Variants in ETV6 observed in about 807,000 individuals in gnomAD.
ETV6 encodes transcription factor ETV6.
A neutral mutation model predicts 51.1 loss-of-function variants in ETV6; 16 were observed. The ratio of observed to expected loss-of-function variants is 0.31; its 90% confidence interval spans 0.21 to 0.48. The LOEUF is 0.48. Ranked by LOEUF, ETV6 falls within the 20% of genes least tolerant of loss-of-function variation. ETV6 has a pLI of 0.99. For synonymous variants in ETV6, 240 were observed against 224.1 expected (o/e 1.07, Z -0.64); for missense variants, 458 against 594.8 (o/e 0.77, Z 2.39).
At chr12:11,657,349 A>G (rs2724632) in intron 1 of ETV6, among the ~76,000 whole-genome samples, 9,876 of 152,284 alleles carry the variant, frequency 0.065, 400 homozygotes, top group African/African-American at 0.11. Flanking sequence ...GAGAAAAAAC[A>G]GGCAAGAATT....
At chr12:11,885,141 C>T (rs1947165403) in intron 6 of ETV6, among the ~76,000 whole-genome samples, 1 of 152,202 alleles carries the variant, frequency 6.6e-6, no homozygotes, top group African/African-American at 2.4e-5. Context: ...GAAGACTGCT[C>T]AAGTGCGCAG....
At chr12:11,791,771 G>T (rs2086556816) in intron 2 of ETV6, among the ~76,000 whole-genome samples, 1 of 150,346 alleles carries the variant, frequency 6.7e-6, no homozygotes, top group South Asian at 2.1e-4. Context: ...GTTATATGCT[G>T]TTTTTTTTTA....
At chr12:11,715,772 A>G (rs529840308) in intron 1 of ETV6, among the ~76,000 whole-genome samples, 1 of 152,356 alleles carries the variant, frequency 6.6e-6, no homozygotes, top group Non-Finnish European at 1.5e-5. Context: ...ACAATTTCAC[A>G]ATGTGACCTT....
At chr12:11,789,800 C>T (rs1945553439) in intron 2 of ETV6, among the ~76,000 whole-genome samples, 1 of 152,132 alleles carries the variant, frequency 6.6e-6, no homozygotes, top group Non-Finnish European at 1.5e-5. Flanking sequence ...CCATTCCGAT[C>T]TTTAATCTTT....
At chr12:11,845,808 T>C (rs897642994) in intron 3 of ETV6, among the ~76,000 whole-genome samples, 5 of 151,970 alleles carry the variant, frequency 3.3e-5, no homozygotes, top group Non-Finnish European at 1.5e-5. Flanking sequence ...CTGGCTAATA[T>C]GGTGAAACCT....
chr12:11,887,172 T>C (rs1432945963), intron 7 of ETV6, among the ~76,000 whole-genome samples: 2 of 152,326 alleles, frequency 1.3e-5, no homozygotes, highest in East Asian at 3.9e-4. Flanking sequence ...CTCCATTCTC[T>C]GGCTCTACCG....
chr12:11,789,532 T>C (rs1232161263), intron 2 of ETV6, among the ~76,000 whole-genome samples: 1 of 152,166 alleles, frequency 6.6e-6, no homozygotes, highest in Non-Finnish European at 1.5e-5. Flanking sequence ...TGTGAGTCCC[T>C]TTCCTGAATT....
At chr12:11,833,880 T>A (rs1459640854) in intron 2 of ETV6, among the ~76,000 whole-genome samples, 1 of 152,194 alleles carries the variant, frequency 6.6e-6, no homozygotes, top group Admixed American at 6.5e-5. Flanking sequence ...ACCACTTCCA[T>A]CTCTGTGTGC....
intron 2 of ETV6, among the ~76,000 whole-genome samples, chr12:11,791,773 T>C (rs868270217): frequency 1.3e-5 from 2 of 152,134 alleles, no homozygotes; most frequent in South Asian, 2.1e-4. Flanking sequence ...TATATGCTGT[T>C]TTTTTTTAAT....
chr12:11,709,467 A>G (rs535710323), intron 1 of ETV6, among the ~76,000 whole-genome samples: 4 of 151,988 alleles, frequency 2.6e-5, no homozygotes, highest in Non-Finnish European at 5.9e-5. Context: ...ACCTCCCAAT[A>G]GCTGAGAATA....
chr12:11,724,754 G>C (rs1044192486), intron 1 of ETV6, among the ~76,000 whole-genome samples: 1 of 152,220 alleles, frequency 6.6e-6, no homozygotes, highest in East Asian at 1.9e-4. Context: ...TAAGATATTT[G>C]TAGTAGATAT....
rs74060842 is a variant in ETV6 at position 11,749,366 on chromosome 12, T to A, written c.34-3084T>A. ...ACACACACACCCCTACTCCCCATAATGTTAAAAGAAAGAAAGCAGCTCTGG... is the reference window on the plus strand; with the variant it reads ...ACACACACACCCCTACTCCCCATAAAGTTAAAAGAAAGAAAGCAGCTCTGG... On this transcript the variant is annotated intron_variant, in intron 1 of 7. Transcript: ENST00000396373. 1.7e-3 allele frequency among the ~76,000 whole-genome samples: 245 copies of A among 140,878 alleles called. 2 individuals carry two copies. Among genetic ancestry groups the A allele is most frequent in the African/African-American group, 6.4e-3 (233 of 36,684 alleles). The allele number at this position is 140,878 out of a possible 152,430, so 92.4% of individuals were successfully genotyped here.
chr12:11,692,518 A>T (rs909121725), intron 1 of ETV6, among the ~76,000 whole-genome samples: 4 of 152,162 alleles, frequency 2.6e-5, no homozygotes, highest in Non-Finnish European at 4.4e-5. Flanking sequence ...TCATGACTTC[A>T]GTACAGTTAA....
chr12:11,752,191 T>C (rs1383938863), intron 1 of ETV6, among the ~76,000 whole-genome samples: 3 of 147,614 alleles, frequency 2.0e-5, no homozygotes, highest in African/African-American at 4.9e-5. Flanking sequence ...CCACAGGGTG[T>C]ACACCTATTG....
In ETV6 at chr12:11,823,125, G is replaced by A. The variant is rs1385495459; in HGVS notation, c.164-16015G>A. The stretch of plus-strand genomic sequence containing the variant: ...CAACCGCACCTGTAGGGCCTCTGGC[G>A]TTCACACACCTCATTGGTTTTGTGG... On this transcript the variant is annotated intron_variant, in intron 2 of 7. Transcript: ENST00000396373. Among the ~76,000 whole-genome samples, 6 of 152,204 alleles carry A rather than the reference G, an allele frequency of 3.9e-5. No homozygotes were observed. In the South Asian group the frequency reaches 8.3e-4, roughly 21 times the overall value.
At chr12:11,813,386 C>T (rs1221330261) in intron 2 of ETV6, among the ~76,000 whole-genome samples, 1 of 152,194 alleles carries the variant, frequency 6.6e-6, no homozygotes, top group East Asian at 1.9e-4. Flanking sequence ...TCTGAGCAAC[C>T]CAGCTCTTGC....
chr12:11,805,011 C>T (rs1291947713), intron 2 of ETV6, among the ~76,000 whole-genome samples: 1 of 152,206 alleles, frequency 6.6e-6, no homozygotes, highest in Non-Finnish European at 1.5e-5. Flanking sequence ...CCCTTGCTCC[C>T]TCCTGAACTT....
intron 2 of ETV6, among the ~76,000 whole-genome samples, chr12:11,834,728 C>T (rs1047020044): frequency 6.6e-6 from 1 of 152,214 alleles, no homozygotes; most frequent in Non-Finnish European, 1.5e-5. Flanking sequence ...TACAAAATCT[C>T]AGGGTCATGG....
chr12:11,772,623 A>T (rs185474548), intron 2 of ETV6, among the ~76,000 whole-genome samples: 3 of 152,318 alleles, frequency 2.0e-5, no homozygotes, highest in African/African-American at 7.2e-5. Context: ...TTCCTCTAAA[A>T]GTCAGCTATG....
Sources: gnomAD v4.1 joint callset for allele counts (sites outside exome capture counted in the v4.1 genomes callset) on GRCh38, gnomAD v4.1.1 for gene constraint, MANE v1.5 for transcripts, NCBI Gene and HGNC (gene_info 2026-07-23, HGNC 2026-07-21) for gene names.